The following KCNN2 variants were observed in gnomAD, a reference collection of about 807,000 sequenced individuals.
KCNN2 encodes the protein small conductance calcium-activated potassium channel protein 2.
A neutral mutation model predicts 55.5 loss-of-function variants in KCNN2; 24 were observed. That is an observed-to-expected ratio of 0.43 (90% CI 0.31 to 0.61). KCNN2 has a LOEUF of 0.61. Among genes scored for constraint, KCNN2 ranks in the 20% least tolerant of loss-of-function variants. The pLI is 0.08. For synonymous variants in KCNN2, 431 were observed against 336.1 expected (o/e 1.28, Z -3.09); for missense variants, 754 against 853.6 (o/e 0.88, Z 1.45).
At chr5:114,179,862 A>G (rs1401901350) in intron 1 of KCNN2, among the ~76,000 whole-genome samples, 1 of 152,244 alleles carries the variant, frequency 6.6e-6, no homozygotes, top group Admixed American at 6.5e-5. Context: ...TATGCAAAGA[A>G]TAGAAAGTAT....
At chr5:114,108,494 C>T (rs536762182) in intron 1 of KCNN2, among the ~76,000 whole-genome samples, 145 of 152,138 alleles carry the variant, frequency 9.5e-4, no homozygotes, top group African/African-American at 3.4e-3. Flanking sequence ...AGAATATTTT[C>T]ATTACTAAGA....
chr5:114,081,619 A>C (rs1418687799), intron 1 of KCNN2, among the ~76,000 whole-genome samples: 1 of 152,224 alleles, frequency 6.6e-6, no homozygotes, highest in Non-Finnish European at 1.5e-5. Flanking sequence ...CCATATACAA[A>C]AATTAACTCA....
At chr5:114,455,876 T>C (rs1480509707) in intron 3 of KCNN2, among the ~76,000 whole-genome samples, 2 of 152,210 alleles carry the variant, frequency 1.3e-5, no homozygotes, top group South Asian at 2.1e-4. Flanking sequence ...TTCAGTTCTT[T>C]GAAGGCTGAG....
At chr5:114,277,039 C>G (rs1024990119) in intron 2 of KCNN2, among the ~76,000 whole-genome samples, 3 of 152,122 alleles carry the variant, frequency 2.0e-5, no homozygotes, top group African/African-American at 7.2e-5. Context: ...CTGGTGGTGA[C>G]AAAATCTCTC....
intron 5 of KCNN2, among the ~76,000 whole-genome samples, chr5:114,474,432 T>G (rs1014123118): frequency 1.4e-4 from 21 of 152,152 alleles, no homozygotes; most frequent in African/African-American, 5.1e-4. Context: ...TGGAATGTCT[T>G]CTACTCTCCA....
intron 2 of KCNN2, among the ~76,000 whole-genome samples, chr5:114,372,835 G>A (rs1489207458): frequency 6.6e-6 from 1 of 151,852 alleles, no homozygotes; most frequent in Non-Finnish European, 1.5e-5. Flanking sequence ...TAATATTGTA[G>A]ATGCAAGTTT....
intron 1 of KCNN2, among the ~76,000 whole-genome samples, chr5:114,148,109 T>G (rs1027359045): frequency 4.6e-5 from 7 of 152,190 alleles, no homozygotes; most frequent in African/African-American, 1.7e-4. Context: ...TCCATTCATA[T>G]CTAGCTGTAG....
intron 1 of KCNN2, among the ~76,000 whole-genome samples, chr5:114,119,792 C>G (rs933833577): frequency 1.3e-5 from 2 of 152,138 alleles, no homozygotes; most frequent in African/African-American, 2.4e-5. Flanking sequence ...AAGCCTTCAT[C>G]ACTAAGCAAA....
intron 1 of KCNN2, among the ~76,000 whole-genome samples, chr5:114,090,715 T>C (rs1043300758): frequency 1.3e-5 from 2 of 152,208 alleles, no homozygotes; most frequent in African/African-American, 4.8e-5. Flanking sequence ...CACTTTATTA[T>C]TTTAATCCTC....
At chr5:114,196,850 T>C (rs997388160) in intron 1 of KCNN2, among the ~76,000 whole-genome samples, 2 of 152,064 alleles carry the variant, frequency 1.3e-5, no homozygotes, top group Admixed American at 6.5e-5. Flanking sequence ...TTATTTCTGT[T>C]GTATTCTGTA....
chr5:114,397,507 C>T (rs1323728328), intron 2 of KCNN2, among the ~76,000 whole-genome samples: 3 of 152,136 alleles, frequency 2.0e-5, no homozygotes. Flanking sequence ...CTGTCTCAGC[C>T]TCCTGAGTAG....
At chr5:114,214,234 T>C (rs1209538447) in intron 1 of KCNN2, among the ~76,000 whole-genome samples, 2 of 151,932 alleles carry the variant, frequency 1.3e-5, no homozygotes, top group African/African-American at 4.8e-5. Flanking sequence ...AGATATGTCA[T>C]TGTAGCATGA....
At chr5:114,477,912 T>C (rs182479388) in intron 5 of KCNN2, among the ~76,000 whole-genome samples, 1 of 152,332 alleles carries the variant, frequency 6.6e-6, no homozygotes, top group East Asian at 1.9e-4. Flanking sequence ...TATGCAGTTA[T>C]ATAATTTTGT....
intron 1 of KCNN2, among the ~76,000 whole-genome samples, chr5:114,179,595 C>T (rs1753201763): frequency 6.6e-6 from 1 of 152,126 alleles, no homozygotes; most frequent in Non-Finnish European, 1.5e-5. Flanking sequence ...GGGAAACTTC[C>T]CTGTCTACTT....
At position 114,432,652 on chromosome 5, in the gene KCNN2, G is replaced by A. The variant is rs550470924; in HGVS notation, c.1637+27796G>A. Reference sequence around the variant, plus strand: ...TTCTGGGCTGGCCAAGGCCAGAGCCGGCTCCCTCAGCTTGCAGGGAGGTGT... The same window carrying A: ...TTCTGGGCTGGCCAAGGCCAGAGCCAGCTCCCTCAGCTTGCAGGGAGGTGT... On this transcript the variant is annotated intron_variant, in intron 3 of 7. Coordinates refer to ENST00000673685, the MANE Select transcript of KCNN2 (RefSeq NM_021614.4). 2.5e-3 allele frequency among the ~76,000 whole-genome samples: 381 copies of A among 152,274 alleles called. 4 individuals are homozygous for A. The highest frequency in any genetic ancestry group is 8.7e-3 in the African/African-American group (361 of 41,578).
At chr5:114,149,548 G>A (rs1364887851) in intron 1 of KCNN2, among the ~76,000 whole-genome samples, 5 of 152,238 alleles carry the variant, frequency 3.3e-5, no homozygotes, top group East Asian at 3.9e-4. Context: ...TAGTGAGGGC[G>A]GGGGTAGGTT....
At chr5:114,367,947 A>T (rs1757651193) in intron 2 of KCNN2, among the ~76,000 whole-genome samples, 1 of 152,168 alleles carries the variant, frequency 6.6e-6, no homozygotes, top group Admixed American at 6.6e-5. Flanking sequence ...AGAATGGCAG[A>T]TGATATACTT....
At chr5:114,218,220 G>A (rs1754049311) in intron 1 of KCNN2, among the ~76,000 whole-genome samples, 2 of 152,206 alleles carry the variant, frequency 1.3e-5, no homozygotes, top group Admixed American at 6.5e-5. Context: ...TTACATAGTA[G>A]TTGTGCTTCT....
At chr5:114,405,240 C>G (rs1197163712) in intron 3 of KCNN2, among the ~76,000 whole-genome samples, 2 of 152,158 alleles carry the variant, frequency 1.3e-5, no homozygotes, top group Non-Finnish European at 2.9e-5. Flanking sequence ...TCCTGTCAAA[C>G]AGTGTTGATG....
Sources: allele counts gnomAD v4.1 joint callset (sites outside exome capture counted in the v4.1 genomes callset), GRCh38; gene constraint gnomAD v4.1.1; transcripts MANE v1.5; gene names NCBI Gene and HGNC (gene_info 2026-07-23, HGNC 2026-07-21).